HS3ST4: variants seen among roughly 807,000 people sequenced by gnomAD.
The protein encoded by HS3ST4 is heparan sulfate glucosamine 3-O-sulfotransferase 4.
In HS3ST4, 17 loss-of-function variants were observed where a neutral mutation model predicts 29.2. That is an observed-to-expected ratio of 0.58 (90% CI 0.40 to 0.87). The LOEUF is 0.87. HS3ST4 is among the 40% of genes least tolerant of loss of function. The probability of loss-of-function intolerance (pLI) is 0.00; values close to 1 mark genes in which losing one functional copy is unlikely to be tolerated. For missense variants in HS3ST4, 627 were observed against 634.5 expected (o/e 0.99, Z 0.13); for synonymous variants, 314 against 285.7 (o/e 1.10, Z -1.00).
chr16:25,814,698 A>C (rs72778988), intron 1 of HS3ST4, among the ~76,000 whole-genome samples: 33,692 of 152,184 alleles, frequency 0.22, 4,038 homozygotes, highest in Non-Finnish European at 0.25. Context: ...GACTTGCACA[A>C]GTTCACATAG....
chr16:26,071,732 A>G (rs1454018016), intron 1 of HS3ST4, among the ~76,000 whole-genome samples: 1 of 152,158 alleles, frequency 6.6e-6, no homozygotes, highest in Non-Finnish European at 1.5e-5. Flanking sequence ...CATAATGAGG[A>G]AAGTGAAGTG....
chr16:25,897,694 C>A (rs540734878), intron 1 of HS3ST4, among the ~76,000 whole-genome samples: 1 of 152,190 alleles, frequency 6.6e-6, no homozygotes, highest in South Asian at 2.1e-4. Flanking sequence ...TCCTCTCTCT[C>A]CCCCTTCTTC....
chr16:25,724,144 A>C (rs1460660738), intron 1 of HS3ST4, among the ~76,000 whole-genome samples: 1 of 147,884 alleles, frequency 6.8e-6, no homozygotes. Flanking sequence ...AAAATCTACC[A>C]CCTGCCATTG....
chr16:25,918,973 T>C (rs974824624), intron 1 of HS3ST4, among the ~76,000 whole-genome samples: 1 of 152,232 alleles, frequency 6.6e-6, no homozygotes, highest in African/African-American at 2.4e-5. Context: ...TTAACAAATC[T>C]TTCCATGTTT....
At chr16:25,789,116 G>A (rs780284215) in intron 1 of HS3ST4, among the ~76,000 whole-genome samples, 2 of 152,144 alleles carry the variant, frequency 1.3e-5, no homozygotes, top group Non-Finnish European at 2.9e-5. Context: ...CAGCTTCCTC[G>A]TCTGTGAGTG....
Position 26,019,867 on chromosome 16 carries a change from C to T in HS3ST4, c.735-115745C>T, listed in dbSNP as rs535455611. ...GAGAATAATCAAGATTTATGATTCT[C>T]ATTCTGACTCGCATCACACAGCCAC... On this transcript the variant is annotated intron_variant, in intron 1 of 1. Coordinates refer to ENST00000331351, the MANE Select transcript of HS3ST4 (RefSeq NM_006040.3). 3.9e-4 allele frequency among the ~76,000 whole-genome samples: 59 copies of T among 152,310 alleles called. 1 individual carries two copies. The highest frequency in any genetic ancestry group is 7.1e-4 in the Non-Finnish European group (48 of 68,030).
intron 1 of HS3ST4, among the ~76,000 whole-genome samples, chr16:26,050,314 C>G (rs1898326109): frequency 6.6e-6 from 1 of 151,838 alleles, no homozygotes; most frequent in South Asian, 2.1e-4. Flanking sequence ...CTCTCTCTTT[C>G]TATATATATA....
chr16:25,713,124 T>A (rs1966428569), intron 1 of HS3ST4, among the ~76,000 whole-genome samples: 1 of 152,210 alleles, frequency 6.6e-6, no homozygotes, highest in Non-Finnish European at 1.5e-5. Flanking sequence ...TATGTATACA[T>A]GTGCCATGGT....
At chr16:25,744,651 G>A (rs1382866550) in intron 1 of HS3ST4, among the ~76,000 whole-genome samples, 1 of 152,162 alleles carries the variant, frequency 6.6e-6, no homozygotes, top group African/African-American at 2.4e-5. Flanking sequence ...GTTTGGCTGT[G>A]TCCCCACCCA....
chr16:25,761,019 A>G (rs761431672), intron 1 of HS3ST4, among the ~76,000 whole-genome samples: 11 of 151,870 alleles, frequency 7.2e-5, no homozygotes, highest in Non-Finnish European at 1.5e-5. Flanking sequence ...TGGCAGAGAG[A>G]GTGATTGCAG....
intron 1 of HS3ST4, among the ~76,000 whole-genome samples, chr16:25,934,564 A>T (rs1050901510): frequency 1.3e-5 from 2 of 152,206 alleles, no homozygotes; most frequent in Non-Finnish European, 2.9e-5. Context: ...CTGAAGCCTC[A>T]GTTGAGGTGC....
chr16:25,853,312 GTA>G (rs57953638), intron 1 of HS3ST4, among the ~76,000 whole-genome samples: 34,699 of 91,208 alleles, frequency 0.38, 4,130 homozygotes, highest in African/African-American at 0.43. Context: ...GTGTGTGTGT[GTA>G]TATATATATA....
At chr16:25,866,162 A>G (rs1967692706) in intron 1 of HS3ST4, among the ~76,000 whole-genome samples, 1 of 152,158 alleles carries the variant, frequency 6.6e-6, no homozygotes, top group African/African-American at 2.4e-5. Context: ...ATACAGTCAC[A>G]CTCTGCAGTG....
chr16:25,865,915 A>C (rs974064608), intron 1 of HS3ST4, among the ~76,000 whole-genome samples: 1 of 152,188 alleles, frequency 6.6e-6, no homozygotes, highest in African/African-American at 2.4e-5. Context: ...CTATGGGCAA[A>C]TTTTTTTAAA....
rs561444548 is a variant in HS3ST4 at position 25,923,032 on chromosome 16, G to A, written c.735-212580G>A. 7.9e-5 allele frequency among the ~76,000 whole-genome samples: 12 copies of A among 152,304 alleles called. No homozygotes were observed. The East Asian group carries it at 2.3e-3, about 29-fold the overall frequency. On this transcript the variant is annotated intron_variant, in intron 1 of 1. Transcript: ENST00000331351. ...TGATGAAAACACAGTTGTTTGATGA[G>A]CACAGCAGCTACCCTTAGAAATTAG...
chr16:26,131,594 G>A (rs574044165), intron 1 of HS3ST4, among the ~76,000 whole-genome samples: 1 of 152,322 alleles, frequency 6.6e-6, no homozygotes, highest in East Asian at 1.9e-4. Context: ...GAGAAAAAGT[G>A]CCTGAAAGGT....
chr16:25,853,723 A>G (rs1458241477), intron 1 of HS3ST4, among the ~76,000 whole-genome samples: 3 of 152,166 alleles, frequency 2.0e-5, no homozygotes, highest in Admixed American at 6.5e-5. Flanking sequence ...ATCCCACTTC[A>G]TCATGGTTTA....
intron 1 of HS3ST4, among the ~76,000 whole-genome samples, chr16:26,049,416 T>C (rs1020577459): frequency 2.1e-5 from 3 of 142,020 alleles, no homozygotes; most frequent in Non-Finnish European, 4.6e-5. Flanking sequence ...ATGATGTGGC[T>C]GTGAGTAGAT....
At chr16:25,719,961 G>A (rs1966482191) in intron 1 of HS3ST4, among the ~76,000 whole-genome samples, 1 of 152,226 alleles carries the variant, frequency 6.6e-6, no homozygotes, top group Non-Finnish European at 1.5e-5. Flanking sequence ...CCATAGTAAA[G>A]GTTCTTTCCG....
Sources: gnomAD v4.1 joint callset for allele counts (sites outside exome capture counted in the v4.1 genomes callset) on GRCh38, gnomAD v4.1.1 for gene constraint, MANE v1.5 for transcripts, NCBI Gene and HGNC (gene_info 2026-07-23, HGNC 2026-07-21) for gene names.